The following GRM3 variants were observed in gnomAD, a reference collection of about 807,000 sequenced individuals.
The protein encoded by GRM3 is metabotropic glutamate receptor 3.
A neutral mutation model predicts 70.5 loss-of-function variants in GRM3; 26 were observed. The ratio of observed to expected loss-of-function variants is 0.37; its 90% CI spans 0.27 to 0.51. The LOEUF (loss-of-function observed/expected upper bound fraction) is 0.51, where lower values mean the gene tolerates loss of function less well. GRM3 is among the 20% of genes least tolerant of loss of function. The pLI, the probability that GRM3 is intolerant of heterozygous loss-of-function variation, is 0.93. For missense variants in GRM3, 859 were observed against 1,123.8 expected, an observed-to-expected ratio of 0.76 and a Z score of 3.37; for synonymous variants, 443 against 434.9, an observed-to-expected ratio of 1.02 and a Z score of -0.23.
At chr7:86,665,134 C>A (rs1301407011) in intron 1 of GRM3, among the ~76,000 whole-genome samples, 1 of 151,984 alleles carries the variant, frequency 6.6e-6, no homozygotes, top group Non-Finnish European at 1.5e-5. Flanking sequence ...GAAATCTATT[C>A]TTTTCGTTCC....
intron 1 of GRM3, among the ~76,000 whole-genome samples, chr7:86,751,293 G>T: frequency 6.6e-6 from 1 of 152,106 alleles, no homozygotes; most frequent in Non-Finnish European, 1.5e-5. Flanking sequence ...GCCCTCTTCA[G>T]ATGTGTCACA....
chr7:86,797,043 G>A (rs1457439098), intron 3 of GRM3, among the ~76,000 whole-genome samples: 1 of 152,192 alleles, frequency 6.6e-6, no homozygotes, highest in Non-Finnish European at 1.5e-5. Flanking sequence ...GGAATTGTGA[G>A]TCCATTCAAC....
chr7:86,675,091 A>G (rs910828394), intron 1 of GRM3, among the ~76,000 whole-genome samples: 1 of 152,118 alleles, frequency 6.6e-6, no homozygotes, highest in African/African-American at 2.4e-5. Context: ...TTCATTTTGT[A>G]TCCTTATATA....
At chr7:86,710,904 A>G (rs1795183244) in intron 1 of GRM3, among the ~76,000 whole-genome samples, 1 of 152,056 alleles carries the variant, frequency 6.6e-6, no homozygotes, top group Admixed American at 6.6e-5. Context: ...CAGGCACAGA[A>G]AGGGTGCCTG....
At chr7:86,773,706 A>G (rs540405875) in intron 2 of GRM3, among the ~76,000 whole-genome samples, 1 of 152,256 alleles carries the variant, frequency 6.6e-6, no homozygotes, top group East Asian at 1.9e-4. Flanking sequence ...CCATTCAAGG[A>G]CTTCATCACA....
chr7:86,719,993 G>C (rs1428792523), intron 1 of GRM3, among the ~76,000 whole-genome samples: 1 of 151,920 alleles, frequency 6.6e-6, no homozygotes. Flanking sequence ...AAGTCAGCAA[G>C]CACCAGATCT....
intron 1 of GRM3, among the ~76,000 whole-genome samples, chr7:86,646,189 G>T (rs1357256233): frequency 6.6e-6 from 1 of 152,058 alleles, no homozygotes; most frequent in Non-Finnish European, 1.5e-5. Flanking sequence ...AGATGCTTAG[G>T]ACACTCTAAT....
At chr7:86,835,815 T>C (rs976972179) in intron 3 of GRM3, among the ~76,000 whole-genome samples, 1 of 152,086 alleles carries the variant, frequency 6.6e-6, no homozygotes, top group Non-Finnish European at 1.5e-5. Context: ...TTTCATCACA[T>C]TGCCCAGGCT....
chr7:86,811,481 T>C (rs888623065), intron 3 of GRM3, among the ~76,000 whole-genome samples: 1 of 151,776 alleles, frequency 6.6e-6, no homozygotes, highest in Non-Finnish European at 1.5e-5. Flanking sequence ...AGGAGGACCA[T>C]TCAGCATAGA....
chr7:86,864,346 A>G lies in GRM3; in HGVS notation c.2631A>G (p.Ser877=), dbSNP rs1046109534. The change falls in exon 6 of 6, where the codon TCA becomes TCG. Residue 877 remains serine, a synonymous_variant. Transcript: ENST00000361669. ...NGREVLDSTT[S]SL ...GGGAAGTCCTCGACTCCACCACCTC[A>G]TCTCTGTGATTGTGAATTGCAGTTC... The G allele has an allele frequency of 6.2e-7, 1 of 1,610,270 alleles. No homozygotes were observed.
intron 1 of GRM3, among the ~76,000 whole-genome samples, chr7:86,663,443 G>A (rs562725462): frequency 5.1e-4 from 78 of 152,106 alleles, no homozygotes; most frequent in African/African-American, 1.8e-3. Flanking sequence ...TTGCTATGGA[G>A]TAAGGAGACA....
intron 1 of GRM3, among the ~76,000 whole-genome samples, chr7:86,646,816 G>T (rs1304772825): frequency 6.6e-6 from 1 of 151,986 alleles, no homozygotes; most frequent in African/African-American, 2.4e-5. Flanking sequence ...TGTGTGGAAA[G>T]CCACACACAC....
chr7:86,682,389 G>C (rs914227057), intron 1 of GRM3, among the ~76,000 whole-genome samples: 1 of 152,066 alleles, frequency 6.6e-6, no homozygotes, highest in Admixed American at 6.6e-5. Flanking sequence ...AATCCAGCTT[G>C]TAGGGTTCCA....
At chr7:86,710,944 C>T (rs1349831750) in intron 1 of GRM3, among the ~76,000 whole-genome samples, 4 of 151,910 alleles carry the variant, frequency 2.6e-5, no homozygotes, top group African/African-American at 9.7e-5. Context: ...GTGTTAAAGC[C>T]CCTGTTCCTC....
In GRM3 at chr7:86,738,214, C is replaced by G. The variant is rs115773118; in HGVS notation, c.-140-26792C>G. Reference sequence around the variant, plus strand: ...AGGCCGTGTATCCACAGTCATTTCCCCTCTTCGACTAACTCCTCTGCTCCC... The same window carrying G: ...AGGCCGTGTATCCACAGTCATTTCCGCTCTTCGACTAACTCCTCTGCTCCC... On this transcript the variant is annotated intron_variant, in intron 1 of 5. Transcript: ENST00000361669. Among the ~76,000 whole-genome samples, 732 of 152,270 alleles carry G rather than the reference C, an allele frequency of 4.8e-3. 6 individuals are homozygous for G. The highest frequency in any genetic ancestry group is 0.017 in the African/African-American group (709 of 41,568).
At chr7:86,772,347 T>C (rs1796766546) in intron 2 of GRM3, among the ~76,000 whole-genome samples, 1 of 152,084 alleles carries the variant, frequency 6.6e-6, no homozygotes, top group African/African-American at 2.4e-5. Context: ...GTCTGGATGC[T>C]CATAAATGAG....
At chr7:86,802,190 G>A (rs550582005) in intron 3 of GRM3, among the ~76,000 whole-genome samples, 4 of 152,128 alleles carry the variant, frequency 2.6e-5, no homozygotes, top group Admixed American at 6.5e-5. Flanking sequence ...AGTGTTAAAT[G>A]TCTTTCTCCA....
chr7:86,734,257 G>C (rs968547114), intron 1 of GRM3, among the ~76,000 whole-genome samples: 3 of 152,168 alleles, frequency 2.0e-5, no homozygotes, highest in Middle Eastern at 3.2e-3. Context: ...TCAATATACA[G>C]TGTATATTGT....
At chr7:86,793,278 G>C (rs961135190) in intron 3 of GRM3, among the ~76,000 whole-genome samples, 1 of 152,124 alleles carries the variant, frequency 6.6e-6, no homozygotes, top group Non-Finnish European at 1.5e-5. Flanking sequence ...GATTTTCTGG[G>C]ACACTGCACT....
Sources: gnomAD v4.1 joint callset for allele counts (sites outside exome capture counted in the v4.1 genomes callset) on GRCh38, gnomAD v4.1.1 for gene constraint, MANE v1.5 for transcripts, NCBI Gene and HGNC (gene_info 2026-07-23, HGNC 2026-07-21) for gene names.